Variants in APOE observed in about 807,000 individuals in gnomAD.
APOE encodes apolipoprotein E3.
A neutral mutation model predicts 13.1 loss-of-function variants in APOE; 10 were observed. The ratio of observed to expected loss-of-function variants is 0.76; its 90% CI spans 0.47 to 1.29. The LOEUF (loss-of-function observed/expected upper bound fraction) is 1.29, where lower values mean the gene tolerates loss of function less well. APOE is among the 50% of genes most tolerant of loss of function. The probability of loss-of-function intolerance (pLI) is 0.00; values close to 1 mark genes in which losing one functional copy is unlikely to be tolerated. For missense variants in APOE, 471 were observed against 459.6 expected, an observed-to-expected ratio of 1.02 and a Z score of -0.23; for synonymous variants, 211 against 207.1, an observed-to-expected ratio of 1.02 and a Z score of -0.16.
Position 44,907,021 on chromosome 19 carries a change from C to CA in APOE, c.43+355dup, listed in dbSNP as rs1303091272. 1 of 325,112 alleles carries CA rather than the reference C, an allele frequency of 3.1e-6. No individual in the cohort carries two copies. Among genetic ancestry groups the CA allele is most frequent in the African/African-American group, 2.1e-5 (1 of 46,886 alleles). The allele number at this position is 325,112 out of a possible 1,614,324, so 20.1% of individuals were successfully genotyped here. A position where few individuals can be genotyped will look rare whatever the true frequency, so the allele number is the denominator to read the frequency against. On this transcript the variant is annotated intron_variant, in intron 2 of 3. Transcript: ENST00000252486. This position sits in a 1 kb window ranked among gnomAD's most constrained non-coding sequence, Gnocchi z 4.1. The stretch of plus-strand genomic sequence containing the variant: ...TCAGCCTCCCAAGTAGCTGGGACTA[C>CA]AGGCACATGCCACCACACCCGACTA...
chr19:44,908,030 T>A, intron 3 of APOE, 78 bp downstream of exon 3: 2 of 1,415,298 alleles, frequency 1.4e-6, no homozygotes, highest in South Asian at 2.4e-5. Flanking sequence ...ATTCTGCCCC[T>A]GTCGCTAAGT....
chr19:44,906,919 C>A, intron 2 of APOE: 3 of 542,898 alleles, frequency 5.5e-6, no homozygotes. Flanking sequence ...CTCGCTCTGT[C>A]GCCCAGGCTG....
Position 44,907,338 on chromosome 19 carries a change from T to G in APOE, c.44-422T>G, listed in dbSNP as rs549553647. 2 of 295,656 alleles carry G rather than the reference T, an allele frequency of 6.8e-6. No individual in the cohort carries two copies. Among genetic ancestry groups the G allele is most frequent in the African/African-American group, 4.3e-5 (2 of 46,050 alleles). The allele number at this position is 295,656 out of a possible 1,614,324, so 18.3% of individuals were successfully genotyped here. On this transcript the variant is annotated intron_variant, in intron 2 of 3. Transcript: ENST00000252486. This position sits in a 1 kb window ranked among gnomAD's most constrained non-coding sequence, Gnocchi z 4.1. Reference sequence around the variant, plus strand: ...TCCGCTGGGCGCGGTGGCTCACCCCTGTAATCCCAGCACTTTGGGAGGCCA... The same window carrying G: ...TCCGCTGGGCGCGGTGGCTCACCCCGGTAATCCCAGCACTTTGGGAGGCCA...
In APOE at chr19:44,908,839, G is replaced by A. The variant is rs754627330; in HGVS notation, c.543G>A (p.Gln181=). The change falls in exon 4 of 4, where the codon CAG becomes CAA. Residue 181 remains glutamine (Q), a synonymous_variant. Transcript: ENST00000252486. ...DDLQKRLAVY[Q]AGAREGAERG... ...TGCAGAAGCGCCTGGCAGTGTACCAGGCCGGGGCCCGCGAGGGCGCCGAGC... is the reference window on the plus strand; with the variant it reads ...TGCAGAAGCGCCTGGCAGTGTACCAAGCCGGGGCCCGCGAGGGCGCCGAGC... 6.5e-7 allele frequency: 1 copy of A among 1,532,118 alleles called. No individual in the cohort carries two copies. Among genetic ancestry groups the A allele is most frequent in the Non-Finnish European group, 8.7e-7 (1 of 1,144,382 alleles). The allele number at this position is 1,532,118 out of a possible 1,614,324, so 94.9% of individuals were successfully genotyped here.
Position 44,907,653 on chromosome 19 carries a change from A to G in APOE, c.44-107A>G. The G allele has an allele frequency of 3.0e-6, 3 of 991,048 alleles. No homozygotes were observed. In the South Asian group the frequency reaches 4.1e-5, roughly 14 times the overall value. 61.4% of individuals were successfully genotyped at this position (991,048 alleles called of 1,614,324 possible). ...CGACTCCCCCCTCACCCTGCCCACC[A>G]TGGCTCCAAAGAAGCATTTGTGGAG... On this transcript the variant is annotated intron_variant, in intron 2 of 3. Coordinates refer to ENST00000252486, the MANE Select transcript of APOE (RefSeq NM_000041.4). This position sits in a 1 kb window ranked among gnomAD's most constrained non-coding sequence, Gnocchi z 4.1.
chr19:44,907,803 G>A lies in APOE; in HGVS notation c.87G>A (p.Glu29=). The A allele has an allele frequency of 4.3e-6, 7 of 1,613,718 alleles. No homozygotes were observed. The highest frequency in any genetic ancestry group is 5.9e-6 in the Non-Finnish European group (7 of 1,179,940). The change falls in exon 3 of 4, where the codon GAG becomes GAA. Residue 29 remains glutamate (E), a synonymous_variant. Transcript: ENST00000252486. This position sits in a 1 kb window ranked among gnomAD's most constrained non-coding sequence, Gnocchi z 4.1. ...KVEQAVETEP[E]PELRQQTEWQ... ...AGCAAGCGGTGGAGACAGAGCCGGAGCCCGAGCTGCGCCAGCAGACCGAGT... is the reference window on the plus strand; with the variant it reads ...AGCAAGCGGTGGAGACAGAGCCGGAACCCGAGCTGCGCCAGCAGACCGAGT...
chr19:44,907,803 G>T lies in APOE; in HGVS notation c.87G>T (p.Glu29Asp). The T allele has an allele frequency of 1.2e-6, 2 of 1,613,718 alleles. No homozygotes were observed. Among genetic ancestry groups the T allele is most frequent in the East Asian group, 2.2e-5 (1 of 44,876 alleles). The change falls in exon 3 of 4, where the codon GAG (glutamate) becomes GAT (aspartate). Residue 29 changes from glutamate to aspartate, a missense_variant. Glu to Asp is a conservative substitution (Grantham distance 45). Coordinates refer to ENST00000252486, the MANE Select transcript of APOE (RefSeq NM_000041.4). The surrounding 1 kb of genome is among the most constrained non-coding windows in gnomAD (Gnocchi z 4.1). ...AGCAAGCGGTGGAGACAGAGCCGGA[G>T]CCCGAGCTGCGCCAGCAGACCGAGT... ...KVEQAVETEPEPELRQQTEWQ... is the reference protein window; with the variant it reads ...KVEQAVETEPDPELRQQTEWQ...
Position 44,909,098 on chromosome 19 carries a change from A to T in APOE, c.802A>T (p.Ile268Leu). The change falls in exon 4 of 4, where the codon ATA becomes TTA. Residue 268 changes from isoleucine to leucine, a missense_variant. Physicochemically the swap from Ile to Leu is conservative, Grantham distance 5. Coordinates refer to ENST00000252486, the MANE Select transcript of APOE (RefSeq NM_000041.4). The part of the protein sequence containing the change: ...RAKLEEQAQQ[I>L]RLQAEAFQAR... ...CAAGCTGGAGGAGCAGGCCCAGCAG[A>T]TACGCCTGCAGGCCGAGGCCTTCCA... The T allele has an allele frequency of 6.3e-7, 1 of 1,587,802 alleles. No homozygotes were observed.
rs903381925 is a variant in APOE at position 44,907,647 on chromosome 19, C to T, written c.44-113C>T. On this transcript the variant is annotated intron_variant, in intron 2 of 3. Transcript: ENST00000252486. The surrounding 1 kb of genome is among the most constrained non-coding windows in gnomAD (Gnocchi z 4.1). The stretch of plus-strand genomic sequence containing the variant: ...TTAAACCGACTCCCCCCTCACCCTG[C>T]CCACCATGGCTCCAAAGAAGCATTT... 11 of 913,348 alleles carry T rather than the reference C, an allele frequency of 1.2e-5. No individual in the cohort carries two copies. Among genetic ancestry groups the T allele is most frequent in the Middle Eastern group, 2.6e-4 (1 of 3,862 alleles). 56.6% of individuals were successfully genotyped at this position (913,348 alleles called of 1,614,324 possible).
chr19:44,906,772 C>G, intron 2 of APOE, 105 bp downstream of exon 2: 1 of 1,144,258 alleles, frequency 8.7e-7, no homozygotes, highest in Non-Finnish European at 1.3e-6. Flanking sequence ...TCTTCTGAGG[C>G]TTCTGTGCTG....
intron 1 of APOE, 84 bp downstream of exon 1, chr19:44,905,925 T>G: frequency 1.5e-6 from 2 of 1,295,676 alleles, no homozygotes; most frequent in Non-Finnish European, 2.0e-6. Flanking sequence ...GGCCTCCAGG[T>G]AGTCTCAGGA....
Position 44,908,604 on chromosome 19 carries a change from T to C in APOE, c.308T>C (p.Val103Ala). ...KSELEEQLTP[V>A]AEETRARLSK... ...GAACTGGAGGAACAACTGACCCCGG[T>C]GGCGGAGGAGACGCGGGCACGGCTG... Residue 103 changes from valine to alanine, a missense_variant, in exon 4 of 4, where the codon GTG becomes GCG. Physicochemically the swap from Val to Ala is moderately conservative, Grantham distance 64. Coordinates refer to ENST00000252486, the MANE Select transcript of APOE (RefSeq NM_000041.4). 1.2e-6 allele frequency: 2 copies of C among 1,612,710 alleles called. No homozygotes were observed. Among genetic ancestry groups the C allele is most frequent in the South Asian group, 1.1e-5 (1 of 90,878 alleles).
chr19:44,906,853 G>C lies in APOE; in HGVS notation c.43+186G>C, dbSNP rs536031139. 1.8e-5 allele frequency: 11 copies of C among 620,306 alleles called. No homozygotes were observed. In the African/African-American group the frequency reaches 2.0e-4, roughly 11 times the overall value. The allele number at this position is 620,306 out of a possible 1,614,324, so 38.4% of individuals were successfully genotyped here. ...TCCCCCATCCTTGAGATAGGAGTTAGAAGTTGTTTTGTTGTTGTTGTTTGT... is the reference window on the plus strand; with the variant it reads ...TCCCCCATCCTTGAGATAGGAGTTACAAGTTGTTTTGTTGTTGTTGTTTGT... On this transcript the variant is annotated intron_variant, in intron 2 of 3. Coordinates refer to ENST00000252486, the MANE Select transcript of APOE (RefSeq NM_000041.4).
At position 44,909,110 on chromosome 19, in the gene APOE, G is replaced by T; in HGVS notation, c.814G>T (p.Ala272Ser). The T allele has an allele frequency of 6.3e-7, 1 of 1,590,418 alleles. No individual in the cohort carries two copies. The part of the protein sequence containing the change: ...EEQAQQIRLQ[A>S]EAFQARLKSW... The stretch of plus-strand genomic sequence containing the variant: ...GCAGGCCCAGCAGATACGCCTGCAG[G>T]CCGAGGCCTTCCAGGCCCGCCTCAA... The change falls in exon 4 of 4, where the codon GCC becomes TCC. Residue 272 changes from alanine (A) to serine (S), a missense_variant. Transcript: ENST00000252486.
In APOE at chr19:44,908,708, G is replaced by A. The variant is rs543363163; in HGVS notation, c.412G>A (p.Gly138Ser). 5 of 1,560,308 alleles carry A rather than the reference G, an allele frequency of 3.2e-6. No homozygotes were observed. Among genetic ancestry groups the A allele is most frequent in the Middle Eastern group, 1.7e-4 (1 of 5,818 alleles). Residue 138 changes from glycine to serine, a missense_variant, in exon 4 of 4, where the codon GGC (glycine) becomes AGC (serine). Transcript: ENST00000252486. ...GTGCGGCCGCCTGGTGCAGTACCGC[G>A]GCGAGGTGCAGGCCATGCTCGGCCA... The part of the protein sequence containing the change: ...DVCGRLVQYR[G>S]EVQAMLGQST...
chr19:44,906,455 G>A (rs1484601840), intron 1 of APOE, 147 bp from the exon 2 acceptor site: 6 of 798,840 alleles, frequency 7.5e-6, no homozygotes, highest in African/African-American at 1.7e-5. Flanking sequence ...TGGGTTGGGG[G>A]CGGCTTGGTA....
rs1275147925 is a variant in APOE at position 44,906,613 on chromosome 19, A to G, written c.-12A>G. On this transcript the variant is annotated 5_prime_UTR_variant, in exon 2 of 4. Transcript: ENST00000252486. ...TTCTCCTTCCCCAGACTGGCCAATC[A>G]CAGGCAGGAAGATGAAGGTTCTGTG... 6.2e-7 allele frequency: 1 copy of G among 1,613,952 alleles called. No homozygotes were observed. Among genetic ancestry groups the G allele is most frequent in the East Asian group, 2.2e-5 (1 of 44,886 alleles).
At position 44,909,232 on chromosome 19, in the gene APOE, G is replaced by A. The variant is rs1198444108; in HGVS notation, c.936G>A (p.Val312=). 1 of 1,596,776 alleles carries A rather than the reference G, an allele frequency of 6.3e-7. No homozygotes were observed. ...CCGTGGGCACCAGCGCCGCCCCTGT[G>A]CCCAGCGACAATCACTGAACGCCGA... ...QAAVGTSAAP[V]PSDNH Residue 312 remains valine, a synonymous_variant, in exon 4 of 4, where the codon GTG becomes GTA. Transcript: ENST00000252486.
chr19:44,906,584 C>T lies in APOE; in HGVS notation c.-23-18C>T. 6.2e-7 allele frequency: 1 copy of T among 1,614,038 alleles called. No homozygotes were observed. Among genetic ancestry groups the T allele is most frequent in the East Asian group, 2.2e-5 (1 of 44,874 alleles). ...GGAGTCCTCACTGGCGGTTGATTGA[C>T]AGTTTCTCCTTCCCCAGACTGGCCA... On this transcript the variant is annotated intron_variant, in intron 1 of 3. Coordinates refer to ENST00000252486, the MANE Select transcript of APOE (RefSeq NM_000041.4).
Sources: gnomAD v4.1 joint callset for allele counts on GRCh38, gnomAD v4.1.1 for gene constraint, Gnocchi (gnomAD v3.1) non-coding constraint, MANE v1.5 for transcripts, NCBI Gene and HGNC (gene_info 2026-07-23, HGNC 2026-07-21) for gene names.